Variants in EIF2B3 observed in about 807,000 individuals in gnomAD.
The protein encoded by EIF2B3 is eukaryotic translation initiation factor 2B subunit gamma, also known as translation initiation factor eIF2B subunit gamma.
A neutral mutation model predicts 54.1 loss-of-function variants in EIF2B3; 20 were observed. That is an observed-to-expected ratio of 0.37 (90% CI 0.26 to 0.54). The LOEUF is 0.54. EIF2B3 is among the 20% of genes least tolerant of loss of function. The pLI is 0.86. For synonymous variants in EIF2B3, 153 were observed against 188.1 expected (o/e 0.81, Z 1.52); for missense variants, 448 against 547.8 (o/e 0.82, Z 1.82).
chr1:44,985,053 G>C (rs1007754346), intron 1 of EIF2B3, among the ~76,000 whole-genome samples: 9 of 151,622 alleles, frequency 5.9e-5, no homozygotes, highest in African/African-American at 2.2e-4. Flanking sequence ...TGATCCACCC[G>C]CCTCGGCCTC....
intron 11 of EIF2B3, among the ~76,000 whole-genome samples, chr1:44,851,619 A>C (rs1654274118): frequency 6.6e-6 from 1 of 152,180 alleles, no homozygotes; most frequent in African/African-American, 2.4e-5. Flanking sequence ...GCAAGGGCAA[A>C]GACAGTGAGA....
At chr1:44,961,031 T>C (rs1644279461) in intron 3 of EIF2B3, among the ~76,000 whole-genome samples, 1 of 149,936 alleles carries the variant, frequency 6.7e-6, no homozygotes, top group African/African-American at 2.5e-5. Context: ...TGAGGTACTA[T>C]GTAGCTGTTA....
At chr1:44,904,806 T>C (rs1643383653) in intron 5 of EIF2B3, among the ~76,000 whole-genome samples, 1 of 152,106 alleles carries the variant, frequency 6.6e-6, no homozygotes, top group Admixed American at 6.6e-5. Flanking sequence ...AGCCACCATG[T>C]CCAGCCAGAT....
At position 44,940,963 on chromosome 1, in the gene EIF2B3, T is replaced by C. The variant is rs189100399; in HGVS notation, c.454+543A>G. Among the ~76,000 whole-genome samples the C allele has an allele frequency of 5.1e-3, 777 of 150,956 alleles. 10 individuals carry two copies. The highest frequency in any genetic ancestry group is 0.018 in the African/African-American group (746 of 41,122). Reference sequence around the variant, plus strand: ...GTGCAGTGGCGTGATCTCGGCTCACTGCAACCTCCCCTTCCTGGGTTCAAG... The same window carrying C: ...GTGCAGTGGCGTGATCTCGGCTCACCGCAACCTCCCCTTCCTGGGTTCAAG... On this transcript the variant is annotated intron_variant, in intron 4 of 11. Coordinates refer to ENST00000360403, the MANE Select transcript of EIF2B3 (RefSeq NM_020365.5).
At position 44,980,325 on chromosome 1, in the gene EIF2B3, A is replaced by G. The variant is rs192452411; in HGVS notation, c.148+696T>C. 1.3e-4 allele frequency among the ~76,000 whole-genome samples: 20 copies of G among 152,120 alleles called. No individual in the cohort carries two copies. In the East Asian group the frequency reaches 3.9e-3, roughly 30 times the overall value. ...TAAAAATACAAAAACTTAGCCGGGCATGGTGGAAAATGCCTGTAGTCCCAG... is the reference window on the plus strand; with the variant it reads ...TAAAAATACAAAAACTTAGCCGGGCGTGGTGGAAAATGCCTGTAGTCCCAG... On this transcript the variant is annotated intron_variant, in intron 2 of 11. Coordinates refer to ENST00000360403, the MANE Select transcript of EIF2B3 (RefSeq NM_020365.5).
chr1:44,918,337 C>T (rs1273134908), intron 5 of EIF2B3, among the ~76,000 whole-genome samples: 2 of 151,912 alleles, frequency 1.3e-5, no homozygotes, highest in Non-Finnish European at 2.9e-5. Context: ...CCGTCTTGGC[C>T]TCCCAAAGTG....
At chr1:44,913,976 G>A (rs1056550837) in intron 5 of EIF2B3, among the ~76,000 whole-genome samples, 1 of 149,026 alleles carries the variant, frequency 6.7e-6, no homozygotes, top group South Asian at 2.1e-4. Flanking sequence ...ACAGGCACGC[G>A]TCAACATGCC....
intron 10 of EIF2B3, 140 bp downstream of exon 10, chr1:44,874,538 G>T: frequency 1.1e-6 from 1 of 885,990 alleles, no homozygotes; most frequent in Non-Finnish European, 1.7e-6. Flanking sequence ...TTTGATATCT[G>T]AAAATGTTTT....
chr1:44,916,568 C>G (rs1402804878), intron 5 of EIF2B3, among the ~76,000 whole-genome samples: 2 of 148,998 alleles, frequency 1.3e-5, no homozygotes, highest in Non-Finnish European at 3.0e-5. Context: ...CTCCTGTAAT[C>G]CCAGCACTTT....
intron 3 of EIF2B3, chr1:44,959,266 T>G: frequency 1.6e-6 from 1 of 615,066 alleles, no homozygotes; most frequent in East Asian, 3.0e-5. Context: ...AGTTCAGACC[T>G]TTTTTTTTGT....
intron 10 of EIF2B3, among the ~76,000 whole-genome samples, chr1:44,868,502 T>G (rs1198794401): frequency 6.6e-6 from 1 of 151,762 alleles, no homozygotes; most frequent in South Asian, 2.1e-4. Flanking sequence ...CTGGATTTTT[T>G]TTTTTTTTTT....
intron 3 of EIF2B3, chr1:44,959,220 C>T (rs1441032005): frequency 7.1e-6 from 5 of 699,446 alleles, no homozygotes; most frequent in African/African-American, 3.5e-5. Flanking sequence ...GGATAGTACA[C>T]CTGTTTAAAT....
At chr1:44,902,957 C>T (rs891752575) in intron 5 of EIF2B3, among the ~76,000 whole-genome samples, 1 of 151,592 alleles carries the variant, frequency 6.6e-6, no homozygotes, top group African/African-American at 2.4e-5. Context: ...ATTTATTTAC[C>T]CAAGTTTGTT....
intron 5 of EIF2B3, among the ~76,000 whole-genome samples, chr1:44,898,463 T>C (rs910378376): frequency 3.3e-5 from 5 of 152,192 alleles, no homozygotes; most frequent in African/African-American, 9.6e-5. Context: ...AATAAATAGT[T>C]GTTGAATAAA....
chr1:44,963,149 A>G (rs1180200356), intron 3 of EIF2B3, among the ~76,000 whole-genome samples: 1 of 150,820 alleles, frequency 6.6e-6, no homozygotes, highest in Non-Finnish European at 1.5e-5. Flanking sequence ...CAGGAGGCTG[A>G]GGTTGCAGTG....
chr1:44,960,999 A>AT (rs1177797935), intron 3 of EIF2B3, among the ~76,000 whole-genome samples: 2 of 151,982 alleles, frequency 1.3e-5, no homozygotes, highest in Non-Finnish European at 2.9e-5. Flanking sequence ...AATTTAAAAG[A>AT]TTTTTAAAAA....
intron 3 of EIF2B3, among the ~76,000 whole-genome samples, chr1:44,968,105 G>A (rs998987282): frequency 6.6e-6 from 1 of 151,674 alleles, no homozygotes; most frequent in African/African-American, 2.4e-5. Context: ...ACTCTTGCCT[G>A]TAAATCCCAT....
intron 9 of EIF2B3, 117 bp from the exon 10 acceptor site, chr1:44,874,943 G>A: frequency 7.7e-7 from 1 of 1,292,372 alleles, no homozygotes; most frequent in Admixed American, 1.7e-5. Context: ...TTCAGCAAGA[G>A]GGACCATGAT....
At chr1:44,890,460 T>A (rs1265334106) in intron 6 of EIF2B3, among the ~76,000 whole-genome samples, 2 of 152,134 alleles carry the variant, frequency 1.3e-5, no homozygotes, top group Non-Finnish European at 2.9e-5. Context: ...TTGAAAAAAA[T>A]AAAAACTGTA....
Sources: gnomAD v4.1 joint callset for allele counts (sites outside exome capture counted in the v4.1 genomes callset) on GRCh38, gnomAD v4.1.1 for gene constraint, MANE v1.5 for transcripts, NCBI Gene and HGNC (gene_info 2026-07-23, HGNC 2026-07-21) for gene names.